The following CDH13 variants were observed in gnomAD, a reference collection of about 807,000 sequenced individuals.
The protein encoded by CDH13 is cadherin 13.
A neutral mutation model predicts 63.8 loss-of-function variants in CDH13; 24 were observed. That is an observed-to-expected ratio of 0.38 (90% confidence interval 0.27 to 0.53). CDH13 has a LOEUF of 0.53. Among genes scored for constraint, CDH13 ranks in the 20% least tolerant of loss-of-function variants. CDH13 has a pLI of 0.85. For missense variants in CDH13, 1,049 were observed against 903.1 expected, an observed-to-expected ratio of 1.16 and a Z score of -2.07; for synonymous variants, 503 against 355.3, an observed-to-expected ratio of 1.42 and a Z score of -4.67.
rs926463690 is a variant in CDH13 at position 83,379,696 on chromosome 16, A to G, written c.781+34690A>G. Among the ~76,000 whole-genome samples, 66 of 152,274 alleles carry G rather than the reference A, an allele frequency of 4.3e-4. 1 individual carries two copies. The highest frequency in any genetic ancestry group is 1.5e-3 in the African/African-American group (64 of 41,554). On this transcript the variant is annotated intron_variant, in intron 6 of 13. Transcript: ENST00000567109. Reference sequence around the variant, plus strand: ...AGAAAACCAGCTCACATCTGTGCACAAGGAGACACACAGTTGTTCATTACT... The same window carrying G: ...AGAAAACCAGCTCACATCTGTGCACGAGGAGACACACAGTTGTTCATTACT...
rs1904289197 is a variant in CDH13, at chr16:83,797,706, A to C, written c.*2676A>C. 1 of 152,238 alleles carries C rather than the reference A, an allele frequency of 6.6e-6. No individual in the cohort carries two copies. Among genetic ancestry groups the C allele is most frequent in the Non-Finnish European group, 1.5e-5 (1 of 68,044 alleles). 9.4% of individuals were successfully genotyped at this position (152,238 alleles called of 1,614,324 possible). A position where few individuals can be genotyped will look rare whatever the true frequency, so the allele number is the denominator to read the frequency against. Reference sequence around the variant, plus strand: ...TCTGAGTCCAACTTATTAAAAAACGAAGTCAAGTAAGGACCAGAAATTGCT... The same window carrying C: ...TCTGAGTCCAACTTATTAAAAAACGCAGTCAAGTAAGGACCAGAAATTGCT... On this transcript the variant is annotated 3_prime_UTR_variant, in exon 14 of 14. Coordinates refer to ENST00000567109, the MANE Select transcript of CDH13 (RefSeq NM_001257.5).
At chr16:83,332,212 A>C (rs991253485) in intron 5 of CDH13, among the ~76,000 whole-genome samples, 1 of 152,098 alleles carries the variant, frequency 6.6e-6, no homozygotes, top group Admixed American at 6.5e-5. Context: ...AGTTGTTGTA[A>C]AACCTGCATT....
At chr16:83,123,998 G>A (rs117091161) in intron 3 of CDH13, among the ~76,000 whole-genome samples, 10 of 152,230 alleles carry the variant, frequency 6.6e-5, no homozygotes, top group East Asian at 3.9e-4. Flanking sequence ...CCCGTCGTAC[G>A]TGTCCTTTTG....
intron 1 of CDH13, chr16:82,705,063 C>T (rs563508732): frequency 6.3e-5 from 28 of 441,830 alleles, no homozygotes; most frequent in African/African-American, 5.5e-4. Context: ...TTCTTGTAGA[C>T]ACCAGTGAGG....
intron 5 of CDH13, among the ~76,000 whole-genome samples, chr16:83,256,846 A>C (rs1348628026): frequency 5.6e-4 from 2 of 3,586 alleles, no homozygotes; most frequent in Non-Finnish European, 1.4e-3. Context: ...CTCCATCTCA[A>C]AAAAAAAAAA....
intron 4 of CDH13, among the ~76,000 whole-genome samples, chr16:83,132,385 T>C (rs963049567): frequency 6.6e-6 from 1 of 151,772 alleles, no homozygotes; most frequent in Non-Finnish European, 1.5e-5. Context: ...TGTCTAACTA[T>C]ATACACTTTT....
chr16:82,862,207 C>T (rs192560818), intron 2 of CDH13, among the ~76,000 whole-genome samples: 1 of 152,244 alleles, frequency 6.6e-6, no homozygotes, highest in East Asian at 1.9e-4. Context: ...CTTAGTACCA[C>T]CAGAATTGGA....
At chr16:83,110,439 A>G (rs1045665156) in intron 3 of CDH13, among the ~76,000 whole-genome samples, 4 of 152,222 alleles carry the variant, frequency 2.6e-5, no homozygotes, top group African/African-American at 9.6e-5. Flanking sequence ...AATGCGGAAG[A>G]GCACTGGGGA....
chr16:83,327,570 A>C (rs944930907), intron 5 of CDH13, among the ~76,000 whole-genome samples: 12 of 152,208 alleles, frequency 7.9e-5, no homozygotes, highest in Non-Finnish European at 1.6e-4. Context: ...ACAAATTCCT[A>C]GTCGTTGAGA....
chr16:82,877,374 C>T (rs1464718148), intron 2 of CDH13, among the ~76,000 whole-genome samples: 4 of 152,142 alleles, frequency 2.6e-5, no homozygotes, highest in Admixed American at 1.3e-4. Flanking sequence ...GGTTTAGAGC[C>T]TTATGTTTCG....
intron 8 of CDH13, among the ~76,000 whole-genome samples, chr16:83,625,877 T>G (rs538980859): frequency 1.2e-4 from 19 of 152,236 alleles, no homozygotes; most frequent in African/African-American, 4.6e-4. Context: ...CAGAGACAAA[T>G]GCAAGCAATA....
intron 5 of CDH13, among the ~76,000 whole-genome samples, chr16:83,263,782 A>C (rs1190462988): frequency 6.6e-6 from 1 of 152,152 alleles, no homozygotes; most frequent in Non-Finnish European, 1.5e-5. Context: ...CCTCAATCCC[A>C]GCCACTTAAG....
chr16:82,639,297 T>C, intron 1 of CDH13: 3 of 1,211,752 alleles, frequency 2.5e-6, no homozygotes, highest in Non-Finnish European at 3.5e-6. Context: ...ATTGCAACCT[T>C]CAGAACAGGG....
At chr16:82,862,836 A>G (rs2039995528) in intron 2 of CDH13, among the ~76,000 whole-genome samples, 1 of 152,188 alleles carries the variant, frequency 6.6e-6, no homozygotes, top group Non-Finnish European at 1.5e-5. Flanking sequence ...CTCTCCTCCC[A>G]GTGGTTGCCC....
intron 3 of CDH13, among the ~76,000 whole-genome samples, chr16:83,118,091 G>A (rs189994031): frequency 6.6e-6 from 1 of 152,320 alleles, no homozygotes; most frequent in East Asian, 1.9e-4. Flanking sequence ...AAGGCTGGAT[G>A]AGGCTGCAGC....
chr16:83,344,536 G>C (rs1478748707), intron 5 of CDH13, among the ~76,000 whole-genome samples: 13 of 152,170 alleles, frequency 8.5e-5, no homozygotes, highest in Non-Finnish European at 1.9e-4. Context: ...AATGATATTG[G>C]GAAAACAGAA....
intron 4 of CDH13, among the ~76,000 whole-genome samples, chr16:83,143,383 A>G (rs1466469117): frequency 6.6e-6 from 1 of 152,218 alleles, no homozygotes; most frequent in Admixed American, 6.5e-5. Context: ...ATTCATATAC[A>G]TACTATAAAA....
intron 8 of CDH13, among the ~76,000 whole-genome samples, chr16:83,625,973 C>A (rs1281847168): frequency 6.6e-6 from 1 of 151,600 alleles, no homozygotes; most frequent in Non-Finnish European, 1.5e-5. Context: ...CAGCAAGCAA[C>A]ACTGTCACAG....
chr16:82,947,069 G>A (rs1454515014), intron 2 of CDH13, among the ~76,000 whole-genome samples: 6 of 141,734 alleles, frequency 4.2e-5, no homozygotes, highest in Non-Finnish European at 9.2e-5. Context: ...AAAGTTTAAG[G>A]CTATCTCCCT....
Sources: gnomAD v4.1 joint callset for allele counts (sites outside exome capture counted in the v4.1 genomes callset) on GRCh38, gnomAD v4.1.1 for gene constraint, MANE v1.5 for transcripts, NCBI Gene and HGNC (gene_info 2026-07-23, HGNC 2026-07-21) for gene names.